GPC5: variants seen among roughly 807,000 people sequenced by gnomAD.
The protein encoded by GPC5 is glypican-5.
GPC5 carries 47 observed loss-of-function variants against 53.9 expected under a neutral mutation model. The ratio of observed to expected loss-of-function variants is 0.87; its 90% CI spans 0.69 to 1.11. The LOEUF is 1.11. Ranked by LOEUF, GPC5 falls within the 50% of genes most tolerant of loss-of-function variation. The pLI, the probability that GPC5 is intolerant of heterozygous loss-of-function variation, is 0.00. For synonymous variants in GPC5, 286 were observed against 263.3 expected, an observed-to-expected ratio of 1.09 and a Z score of -0.84; for missense variants, 748 against 713.1, an observed-to-expected ratio of 1.05 and a Z score of -0.56.
intron 6 of GPC5, among the ~76,000 whole-genome samples, chr13:91,924,579 A>T (rs952742416): frequency 2.0e-5 from 3 of 151,908 alleles, no homozygotes; most frequent in East Asian, 1.9e-4. Flanking sequence ...AAAATAAAAA[A>T]AAAAGTAAAG....
Position 92,350,760 on chromosome 13 carries a change from A to T in GPC5, c.1561+205771A>T, listed in dbSNP as rs141293152. On this transcript the variant is annotated intron_variant, in intron 7 of 7. Coordinates refer to ENST00000377067, the MANE Select transcript of GPC5 (RefSeq NM_004466.6). ...AATTTTATTACACGTTGTATATATAAATCATCACATGACTTTTTACTCCAT... is the reference window on the plus strand; with the variant it reads ...AATTTTATTACACGTTGTATATATATATCATCACATGACTTTTTACTCCAT... Among the ~76,000 whole-genome samples, 31 of 152,320 alleles carry T rather than the reference A, an allele frequency of 2.0e-4. 1 individual carries two copies. The highest frequency in any genetic ancestry group is 4.1e-4 in the Non-Finnish European group (28 of 68,010).
At chr13:91,784,260 A>G (rs2037843130) in intron 5 of GPC5, among the ~76,000 whole-genome samples, 1 of 152,174 alleles carries the variant, frequency 6.6e-6, no homozygotes, top group South Asian at 2.1e-4. Flanking sequence ...TCTTTTTTTA[A>G]GTTTTAAGAT....
chr13:92,080,846 A>T (rs2041289335), intron 6 of GPC5, among the ~76,000 whole-genome samples: 1 of 152,142 alleles, frequency 6.6e-6, no homozygotes, highest in Non-Finnish European at 1.5e-5. Context: ...CCCATCCTAC[A>T]CACATTCTTC....
At chr13:92,776,639 A>G (rs1594499180) in intron 7 of GPC5, among the ~76,000 whole-genome samples, 1 of 152,128 alleles carries the variant, frequency 6.6e-6, no homozygotes, top group Non-Finnish European at 1.5e-5. Flanking sequence ...TATTTTCCAA[A>G]TTTTATTTTA....
chr13:91,913,104 T>C (rs2039625245), intron 6 of GPC5, among the ~76,000 whole-genome samples: 1 of 151,978 alleles, frequency 6.6e-6, no homozygotes. Context: ...GAAGACAATT[T>C]ATAAGAAAAG....
chr13:91,708,860 T>A (rs1008398209), intron 3 of GPC5, among the ~76,000 whole-genome samples: 3 of 152,212 alleles, frequency 2.0e-5, no homozygotes, highest in African/African-American at 7.2e-5. Context: ...TGTCATTTAA[T>A]TTGTTATTCA....
chr13:92,234,694 A>G (rs1339428640), intron 7 of GPC5, among the ~76,000 whole-genome samples: 1 of 152,156 alleles, frequency 6.6e-6, no homozygotes, highest in Non-Finnish European at 1.5e-5. Flanking sequence ...CCATTGCAGC[A>G]TCAATTCCCT....
chr13:92,558,596 A>C (rs546647598), intron 7 of GPC5, among the ~76,000 whole-genome samples: 61 of 152,096 alleles, frequency 4.0e-4, no homozygotes, highest in Admixed American at 9.2e-4. Context: ...AAAATCTCCA[A>C]TGTCTCTGAA....
In GPC5 at chr13:92,557,124, C is replaced by T. The variant is rs1479375845; in HGVS notation, c.1562-309158C>T. ...GAAAAAAAAAAGGGACGGGGGAGATCTTGTGGAGGGATATAGCGCTATTCT... is the reference window on the plus strand; with the variant it reads ...GAAAAAAAAAAGGGACGGGGGAGATTTTGTGGAGGGATATAGCGCTATTCT... On this transcript the variant is annotated intron_variant, in intron 7 of 7. Transcript: ENST00000377067. 2.6e-5 allele frequency among the ~76,000 whole-genome samples: 4 copies of T among 151,040 alleles called. No individual in the cohort carries two copies. The South Asian group carries it at 6.2e-4, about 24-fold the overall frequency.
chr13:92,620,078 G>T (rs1281070445), intron 7 of GPC5, among the ~76,000 whole-genome samples: 1 of 151,986 alleles, frequency 6.6e-6, no homozygotes, highest in Non-Finnish European at 1.5e-5. Flanking sequence ...TGGTTTAGAG[G>T]ATGAACAATG....
chr13:92,004,994 C>T (rs1275315983), intron 6 of GPC5, among the ~76,000 whole-genome samples: 1 of 152,128 alleles, frequency 6.6e-6, no homozygotes, highest in East Asian at 1.9e-4. Context: ...GATTTTGCCA[C>T]CCAAATTGAG....
chr13:92,226,244 G>T (rs945638810), intron 7 of GPC5, among the ~76,000 whole-genome samples: 1 of 152,042 alleles, frequency 6.6e-6, no homozygotes, highest in Non-Finnish European at 1.5e-5. Context: ...ACCCAGTCTC[G>T]GGGAGTTTAT....
intron 7 of GPC5, among the ~76,000 whole-genome samples, chr13:92,808,769 T>C (rs1877192004): frequency 6.6e-6 from 1 of 152,084 alleles, no homozygotes; most frequent in Non-Finnish European, 1.5e-5. Flanking sequence ...TTACAAAATT[T>C]TGACACTTTA....
At chr13:92,358,548 C>T (rs142361175) in intron 7 of GPC5, among the ~76,000 whole-genome samples, 3 of 151,774 alleles carry the variant, frequency 2.0e-5, no homozygotes, top group Admixed American at 6.5e-5. Context: ...TCTATGAGGG[C>T]CCTGCCCCTG....
At chr13:92,383,018 A>T (rs974251245) in intron 7 of GPC5, among the ~76,000 whole-genome samples, 2 of 151,676 alleles carry the variant, frequency 1.3e-5, no homozygotes, top group African/African-American at 4.8e-5. Context: ...AAAAAAAAAA[A>T]AAAAAAAGGA....
At chr13:91,920,228 A>G (rs1231991715) in intron 6 of GPC5, among the ~76,000 whole-genome samples, 2 of 152,242 alleles carry the variant, frequency 1.3e-5, no homozygotes, top group Non-Finnish European at 2.9e-5. Flanking sequence ...TGCATTCTTA[A>G]GAAAATAAAT....
chr13:91,450,555 A>G (rs976961752), intron 2 of GPC5, among the ~76,000 whole-genome samples: 9 of 152,150 alleles, frequency 5.9e-5, no homozygotes, highest in Middle Eastern at 3.2e-3. Context: ...AGATGGATTG[A>G]GGCTGGTGAA....
chr13:91,856,028 T>G (rs1477103066), intron 5 of GPC5, among the ~76,000 whole-genome samples: 1 of 151,588 alleles, frequency 6.6e-6, no homozygotes, highest in African/African-American at 2.4e-5. Flanking sequence ...TGTAATAGTT[T>G]TGTCTGTTCT....
At chr13:92,604,699 T>A (rs1243389721) in intron 7 of GPC5, among the ~76,000 whole-genome samples, 4 of 152,230 alleles carry the variant, frequency 2.6e-5, no homozygotes, top group Non-Finnish European at 5.9e-5. Context: ...TTATATAGTG[T>A]ATTAAAAGTC....
Sources: gnomAD v4.1 joint callset for allele counts (sites outside exome capture counted in the v4.1 genomes callset) on GRCh38, gnomAD v4.1.1 for gene constraint, MANE v1.5 for transcripts, NCBI Gene and HGNC (gene_info 2026-07-23, HGNC 2026-07-21) for gene names.